The following ACTL8 variants were observed in gnomAD, a reference collection of about 807,000 sequenced individuals.
ACTL8 encodes the protein actin-like protein 8.
Under a neutral mutation model 9.3 loss-of-function variants are expected in ACTL8, and 3 were observed. That is an observed-to-expected ratio of 0.32 (90% confidence interval 0.15 to 0.83). ACTL8 has a LOEUF of 0.83. Among genes scored for constraint, ACTL8 ranks in the 40% least tolerant of loss-of-function variants. ACTL8 has a pLI of 0.57. For missense variants in ACTL8, 381 were observed against 492.2 expected (o/e 0.77, Z 2.14); for synonymous variants, 224 against 205.9 (o/e 1.09, Z -0.75).
chr1:17,822,014 C>T (rs890883274), intron 1 of ACTL8, among the ~76,000 whole-genome samples: 1 of 152,168 alleles, frequency 6.6e-6, no homozygotes, highest in African/African-American at 2.4e-5. Flanking sequence ...ACCATACCTA[C>T]CTTTTCAGCA....
intron 1 of ACTL8, among the ~76,000 whole-genome samples, chr1:17,795,790 A>G (rs1279912212): frequency 2.6e-5 from 4 of 152,108 alleles, no homozygotes; most frequent in East Asian, 1.9e-4. Flanking sequence ...TGTTGTGATC[A>G]CCTTCCCCGA....
chr1:17,823,173 C>T lies in ACTL8; in HGVS notation c.165C>T (p.Ile55=), dbSNP rs752312335. 5.0e-6 allele frequency: 8 copies of T among 1,614,176 alleles called. No homozygotes were observed. The highest frequency in any genetic ancestry group is 1.6e-4 in the Middle Eastern group (1 of 6,062). The change falls in exon 2 of 3, where the codon ATC becomes ATT. Residue 55 remains isoleucine (I), a synonymous_variant. Coordinates refer to ENST00000375406, the MANE Select transcript of ACTL8 (RefSeq NM_030812.3). The surrounding 1 kb of genome is among the most constrained non-coding windows in gnomAD (Gnocchi z 5.3). ...CCCGTAGGCGTGTGAGCCTGGGCATCGACATTTGCCATCCTGACACCTTTA... is the reference window on the plus strand; with the variant it reads ...CCCGTAGGCGTGTGAGCCTGGGCATTGACATTTGCCATCCTGACACCTTTA... ...SYARRRVSLG[I]DICHPDTFSY...
chr1:17,790,713 T>A (rs2102687580), intron 1 of ACTL8, among the ~76,000 whole-genome samples: 1 of 152,300 alleles, frequency 6.6e-6, no homozygotes, highest in East Asian at 1.9e-4. Flanking sequence ...CACCCCCTTC[T>A]ACCCAGGAAA....
At position 17,812,427 on chromosome 1, in the gene ACTL8, C is replaced by CTTTTTTTTTTTTTTTTT. The variant is rs141182523; in HGVS notation, c.-24-10554_-24-10538dup. ...GAACATAGCATATCTATTTTTTTTC[C>CTTTTTTTTTTTTTTTTT]TTTTTTTTTTTTTTTTTTTTGAGAC... On this transcript the variant is annotated intron_variant, in intron 1 of 2. Transcript: ENST00000375406. Among the ~76,000 whole-genome samples, 22 of 122,412 alleles carry CTTTTTTTTTTTTTTTTT rather than the reference C, an allele frequency of 1.8e-4. 1 individual carries two copies. Among genetic ancestry groups the CTTTTTTTTTTTTTTTTT allele is most frequent in the African/African-American group, 5.8e-4 (19 of 32,804 alleles). The allele number at this position is 122,412 out of a possible 152,430, so 80.3% of individuals were successfully genotyped here.
chr1:17,814,391 T>C (rs1170509335), intron 1 of ACTL8, among the ~76,000 whole-genome samples: 1 of 152,188 alleles, frequency 6.6e-6, no homozygotes. Flanking sequence ...TTCAGTACAA[T>C]AACATGCCAT....
At chr1:17,824,307 T>C (rs180934827) in intron 2 of ACTL8, among the ~76,000 whole-genome samples, 10 of 152,306 alleles carry the variant, frequency 6.6e-5, no homozygotes, top group Admixed American at 2.0e-4. Flanking sequence ...CATTTATATG[T>C]TATGTAAGAT....
At chr1:17,794,572 A>C (rs1054262129) in intron 1 of ACTL8, among the ~76,000 whole-genome samples, 6 of 152,254 alleles carry the variant, frequency 3.9e-5, no homozygotes, top group African/African-American at 1.4e-4. Flanking sequence ...GCTACTAGGA[A>C]GCTCAGTGAA....
intron 1 of ACTL8, among the ~76,000 whole-genome samples, chr1:17,788,840 A>G (rs1309413839): frequency 2.6e-5 from 4 of 152,170 alleles, no homozygotes; most frequent in East Asian, 1.9e-4. Flanking sequence ...AGAGTTGGAC[A>G]CTTTGCCTCC....
chr1:17,772,492 A>G (rs1468097342), intron 1 of ACTL8, among the ~76,000 whole-genome samples: 3 of 151,930 alleles, frequency 2.0e-5, no homozygotes, highest in Non-Finnish European at 4.4e-5. Context: ...TGGATCCCTC[A>G]TAACTTCTGA....
intron 1 of ACTL8, among the ~76,000 whole-genome samples, chr1:17,807,557 C>T (rs766556059): frequency 2.6e-5 from 4 of 152,050 alleles, no homozygotes; most frequent in Non-Finnish European, 2.9e-5. Flanking sequence ...ATGTTTATTG[C>T]GGTACTATTC....
intron 1 of ACTL8, among the ~76,000 whole-genome samples, chr1:17,816,239 G>A (rs2066425564): frequency 7.1e-6 from 1 of 141,792 alleles, no homozygotes; most frequent in Admixed American, 7.2e-5. Context: ...TGCTCCCATA[G>A]TCTCTAGGCT....
intron 1 of ACTL8, among the ~76,000 whole-genome samples, chr1:17,791,181 C>G (rs901874509): frequency 6.6e-6 from 1 of 152,118 alleles, no homozygotes; most frequent in Non-Finnish European, 1.5e-5. Flanking sequence ...GCAGCGGCAC[C>G]CAGGGATCTC....
chr1:17,783,342 T>G (rs55920597), intron 1 of ACTL8, among the ~76,000 whole-genome samples: 45,831 of 144,746 alleles, frequency 0.32, 7,142 homozygotes, highest in East Asian at 0.43. Context: ...GGAGTTTTTT[T>G]TTTTGTTTTG....
chr1:17,784,202 T>A (rs1023793000), intron 1 of ACTL8, among the ~76,000 whole-genome samples: 1 of 152,152 alleles, frequency 6.6e-6, no homozygotes, highest in African/African-American at 2.4e-5. Context: ...AGCATCTTCT[T>A]AACATGGTGG....
chr1:17,792,497 A>G (rs2102688438), intron 1 of ACTL8, among the ~76,000 whole-genome samples: 1 of 152,334 alleles, frequency 6.6e-6, no homozygotes, highest in South Asian at 2.1e-4. Flanking sequence ...CACCATGCAT[A>G]TAGACCAGAG....
chr1:17,755,930 T>C (rs2065966565), intron 1 of ACTL8, among the ~76,000 whole-genome samples: 1 of 150,746 alleles, frequency 6.6e-6, no homozygotes, highest in African/African-American at 2.4e-5. Context: ...TTTGGGGCTC[T>C]ATTTCAGTCC....
intron 1 of ACTL8, among the ~76,000 whole-genome samples, chr1:17,766,711 A>G (rs1335180225): frequency 1.3e-5 from 2 of 152,198 alleles, no homozygotes; most frequent in Admixed American, 1.3e-4. Flanking sequence ...ACTGGGAGCC[A>G]TAATGTGATG....
In ACTL8 at chr1:17,814,658, C is replaced by T. The variant is rs537644190; in HGVS notation, c.-24-8327C>T. On this transcript the variant is annotated intron_variant, in intron 1 of 2. Coordinates refer to ENST00000375406, the MANE Select transcript of ACTL8 (RefSeq NM_030812.3). ...TATCTACCAACAAAACAGGACAATA[C>T]ATACCATTATGTTACAATCGCCTAC... Among the ~76,000 whole-genome samples the T allele has an allele frequency of 9.2e-5, 14 of 152,036 alleles. No individual in the cohort carries two copies. The East Asian group carries it at 2.5e-3, about 27-fold the overall frequency.
At position 17,797,813 on chromosome 1, in the gene ACTL8, G is replaced by A. The variant is rs572833190; in HGVS notation, c.-24-25172G>A. Among the ~76,000 whole-genome samples, 10 of 151,714 alleles carry A rather than the reference G, an allele frequency of 6.6e-5. No individual in the cohort carries two copies. The East Asian group carries it at 1.2e-3, about 18-fold the overall frequency. On this transcript the variant is annotated intron_variant, in intron 1 of 2. Coordinates refer to ENST00000375406, the MANE Select transcript of ACTL8 (RefSeq NM_030812.3). ...CTGATAATTAAATTGTGGGATGGAA[G>A]TAAAGCGGTTTGCACAGGGCCTGGC... is the stretch of plus-strand genomic sequence containing the variant.
Sources: allele counts gnomAD v4.1 joint callset (sites outside exome capture counted in the v4.1 genomes callset), GRCh38; gene constraint gnomAD v4.1.1; non-coding constraint Gnocchi (gnomAD v3.1); transcripts MANE v1.5; gene names NCBI Gene and HGNC (gene_info 2026-07-23, HGNC 2026-07-21).